Variants in DPP6 observed in about 807,000 individuals in gnomAD.
DPP6 encodes A-type potassium channel modulatory protein DPP6.
DPP6 carries 69 observed loss-of-function variants against 122.6 expected under a neutral mutation model. The observed-to-expected ratio is 0.56, with a 90% CI of 0.46 to 0.69. The LOEUF (loss-of-function observed/expected upper bound fraction) is 0.69. Ranked by LOEUF, DPP6 falls within the 30% of genes least tolerant of loss-of-function variation. The pLI is 0.00. For synonymous variants in DPP6, 418 were observed against 433.1 expected (o/e 0.97, Z 0.43); for missense variants, 928 against 1,116.9 (o/e 0.83, Z 2.41).
intron 1 of DPP6, among the ~76,000 whole-genome samples, chr7:154,397,399 C>G (rs1375921903): frequency 1.3e-5 from 2 of 152,036 alleles, no homozygotes; most frequent in East Asian, 3.9e-4. Flanking sequence ...GTTTTAATTT[C>G]TCATTGATAA....
chr7:154,265,701 A>G (rs1803375540), intron 1 of DPP6, among the ~76,000 whole-genome samples: 3 of 152,346 alleles, frequency 2.0e-5, no homozygotes, highest in East Asian at 3.9e-4. Context: ...TTCTTGGGTC[A>G]GTAGAGGGAG....
Position 154,483,154 on chromosome 7 carries a change from G to T in DPP6, c.457+8117G>T, listed in dbSNP as rs1259206511. On this transcript the variant is annotated intron_variant, in intron 3 of 25. Coordinates refer to ENST00000377770, the MANE Select transcript of DPP6 (RefSeq NM_130797.4). This position sits in a 1 kb window ranked among gnomAD's most constrained non-coding sequence, Gnocchi z 8.1. ...AAGTGTGGTCAGGGAGGCAGGAGGA[G>T]AACTTCTACCACGCCACGTCAAAGT... Among the ~76,000 whole-genome samples, 6 of 152,076 alleles carry T rather than the reference G, an allele frequency of 3.9e-5. No homozygotes were observed.
intron 1 of DPP6, among the ~76,000 whole-genome samples, chr7:153,899,077 C>T (rs79613067): frequency 0.032 from 4,801 of 152,150 alleles, 233 homozygotes; most frequent in African/African-American, 0.11. Context: ...AAATGCCCTC[C>T]TGTAGCTGCT....
intron 8 of DPP6, among the ~76,000 whole-genome samples, chr7:154,743,546 C>A (rs149385399): frequency 6.6e-6 from 1 of 152,218 alleles, no homozygotes; most frequent in Non-Finnish European, 1.5e-5. Flanking sequence ...TTAAGCTGCT[C>A]AAATGCCTGC....
chr7:154,548,149 C>T (rs1255128584), intron 4 of DPP6, among the ~76,000 whole-genome samples: 5 of 152,116 alleles, frequency 3.3e-5, no homozygotes, highest in Non-Finnish European at 7.3e-5. Context: ...GTGGAGGCTG[C>T]AGTGAGCAGA....
intron 1 of DPP6, among the ~76,000 whole-genome samples, chr7:154,041,285 G>A (rs1286483446): frequency 6.6e-6 from 1 of 152,130 alleles, no homozygotes; most frequent in Admixed American, 6.5e-5. Context: ...CAAATACAGT[G>A]GTATTTTTCC....
intron 1 of DPP6, among the ~76,000 whole-genome samples, chr7:154,330,322 G>C (rs557111141): frequency 5.3e-5 from 8 of 152,174 alleles, no homozygotes; most frequent in Admixed American, 5.2e-4. Flanking sequence ...TCTGGTATTG[G>C]GTCGAGGGAG....
At chr7:154,228,889 G>C (rs1279662799) in intron 1 of DPP6, among the ~76,000 whole-genome samples, 1 of 152,220 alleles carries the variant, frequency 6.6e-6, no homozygotes, top group African/African-American at 2.4e-5. Context: ...AAGAAAAATA[G>C]GTGCCCTTTA....
At chr7:154,140,447 T>C (rs1795788575) in intron 1 of DPP6, among the ~76,000 whole-genome samples, 1 of 151,834 alleles carries the variant, frequency 6.6e-6, no homozygotes, top group Non-Finnish European at 1.5e-5. Flanking sequence ...CTCTTAGGAA[T>C]CCATTTTGGT....
chr7:154,801,766 G>A (rs1207728904), intron 13 of DPP6, among the ~76,000 whole-genome samples: 2 of 152,128 alleles, frequency 1.3e-5, no homozygotes, highest in Non-Finnish European at 2.9e-5. Context: ...TGTGCCGGGG[G>A]CCCTTTCCTT....
At chr7:154,371,469 C>T (rs1812671724) in intron 1 of DPP6, among the ~76,000 whole-genome samples, 1 of 151,884 alleles carries the variant, frequency 6.6e-6, no homozygotes, top group Non-Finnish European at 1.5e-5. Flanking sequence ...ATATCACCTC[C>T]TCCTACTCTC....
At chr7:153,955,061 T>C (rs1233055885) in intron 1 of DPP6, among the ~76,000 whole-genome samples, 1 of 152,316 alleles carries the variant, frequency 6.6e-6, no homozygotes, top group Non-Finnish European at 1.5e-5. Flanking sequence ...GCCAGCCTTC[T>C]TCAGTCTTCA....
At chr7:153,825,720 C>T in the DPP6 span, among the ~76,000 whole-genome samples, 1,951 of 152,130 alleles carry the variant, frequency 0.013, 41 homozygotes, top group African/African-American at 0.045. Context: ...CCACAACGCC[C>T]GGCAAATTTT....
Position 154,880,765 on chromosome 7 carries a change from G to A in DPP6, c.2079-123G>A, listed in dbSNP as rs575161423. 35 of 1,521,378 alleles carry A rather than the reference G, an allele frequency of 2.3e-5. No homozygotes were observed. In the South Asian group the frequency reaches 3.7e-4, roughly 16 times the overall value. The allele number at this position is 1,521,378 out of a possible 1,614,324, so 94.2% of individuals were successfully genotyped here. On this transcript the variant is annotated intron_variant, in intron 20 of 25. Transcript: ENST00000377770. ...ATAATTATATTGGAATGCTAAGGTTGCTTTTTATTTGAAGAGGGGTTTTCA... is the reference window on the plus strand; with the variant it reads ...ATAATTATATTGGAATGCTAAGGTTACTTTTTATTTGAAGAGGGGTTTTCA...
chr7:154,203,131 A>G (rs1178384263), intron 1 of DPP6, among the ~76,000 whole-genome samples: 1 of 152,202 alleles, frequency 6.6e-6, no homozygotes, highest in African/African-American at 2.4e-5. Flanking sequence ...AATCATAACA[A>G]TACATTTTGG....
chr7:154,657,053 G>A (rs1349670292), intron 6 of DPP6, among the ~76,000 whole-genome samples: 1 of 109,248 alleles, frequency 9.2e-6, no homozygotes. Flanking sequence ...GGTGCTCATG[G>A]GTGGGTGGAG....
At chr7:154,026,790 A>G (rs1489645647) in intron 1 of DPP6, 1 of 152,216 alleles carries the variant, frequency 6.6e-6, no homozygotes, top group Non-Finnish European at 1.5e-5. Flanking sequence ...AAAGCTTATT[A>G]TAAACTTTGC....
chr7:154,785,747 A>C (rs1314759519), intron 10 of DPP6, among the ~76,000 whole-genome samples: 3 of 152,232 alleles, frequency 2.0e-5, no homozygotes, highest in Admixed American at 1.3e-4. Flanking sequence ...TAAAAGATTA[A>C]AATCAATAAA....
At chr7:153,981,486 C>A (rs1585126751) in intron 1 of DPP6, among the ~76,000 whole-genome samples, 1 of 152,266 alleles carries the variant, frequency 6.6e-6, no homozygotes, top group East Asian at 1.9e-4. Context: ...TGGGTCTTGA[C>A]TCTTTATCCA....
Sources: allele counts gnomAD v4.1 joint callset (sites outside exome capture counted in the v4.1 genomes callset), GRCh38; gene constraint gnomAD v4.1.1; non-coding constraint Gnocchi (gnomAD v3.1); transcripts MANE v1.5; gene names NCBI Gene and HGNC (gene_info 2026-07-23, HGNC 2026-07-21).